PTPRQ: variants seen among roughly 807,000 people sequenced by gnomAD.
PTPRQ encodes phosphatidylinositol phosphatase PTPRQ.
Under a neutral mutation model 246.0 loss-of-function variants are expected in PTPRQ, and 199 were observed. The ratio of observed to expected loss-of-function variants is 0.81; its 90% confidence interval spans 0.72 to 0.91. PTPRQ has a LOEUF of 0.91. PTPRQ is among the 40% of genes least tolerant of loss of function. The probability of loss-of-function intolerance (pLI) is 0.00; values close to 1 mark genes in which losing one functional copy is unlikely to be tolerated. For synonymous variants in PTPRQ, 869 were observed against 853.2 expected, an observed-to-expected ratio of 1.02 and a Z score of -0.32; for missense variants, 2,624 against 2,528.4, an observed-to-expected ratio of 1.04 and a Z score of -0.81.
At chr12:80,551,430 T>TA (rs1896472081) in intron 25 of PTPRQ, among the ~76,000 whole-genome samples, 1 of 152,190 alleles carries the variant, frequency 6.6e-6, no homozygotes, top group South Asian at 2.1e-4. Context: ...AATAACATCT[T>TA]AACTAGCCTT....
At position 80,588,383 on chromosome 12, in the gene PTPRQ, G is replaced by A. The variant is rs1897686889; in HGVS notation, c.4540G>A (p.Val1514Met). Residue 1514 changes from valine (V) to methionine (M), a missense_variant, in exon 26 of 45, where the codon GTG becomes ATG. Val to Met is a conservative substitution (Grantham distance 21). Transcript: ENST00000644991. ...LKKFRWYRFQ[V>M]AASTNAGYGN... ...GAAATTTAGATGGTATAGATTCCAA[G>A]TGGCTGCCAGCACCAATGCTGGCTA... 2.0e-6 allele frequency: 3 copies of A among 1,533,016 alleles called. No individual in the cohort carries two copies. Among genetic ancestry groups the A allele is most frequent in the Admixed American group, 2.1e-5 (1 of 48,770 alleles). The allele number at this position is 1,533,016 out of a possible 1,614,324, so 95.0% of individuals were successfully genotyped here.
intron 35 of PTPRQ, among the ~76,000 whole-genome samples, chr12:80,641,062 A>G (rs1420838506): frequency 1.3e-5 from 2 of 152,164 alleles, no homozygotes; most frequent in African/African-American, 2.4e-5. Context: ...CAAGACAATG[A>G]CATTTCTTGT....
intron 27 of PTPRQ, among the ~76,000 whole-genome samples, chr12:80,609,642 C>T (rs565231271): frequency 1.3e-5 from 2 of 150,672 alleles, no homozygotes; most frequent in East Asian, 3.9e-4. Context: ...TAAAGACACT[C>T]ATTTATGCAC....
At chr12:80,466,637 T>G (rs1236467064) in intron 6 of PTPRQ, among the ~76,000 whole-genome samples, 1 of 151,356 alleles carries the variant, frequency 6.6e-6, no homozygotes, top group African/African-American at 2.4e-5. Flanking sequence ...CAAAACAGAA[T>G]GGTACTGGTA....
At chr12:80,522,991 C>T (rs1426233449) in intron 17 of PTPRQ, among the ~76,000 whole-genome samples, 3 of 152,174 alleles carry the variant, frequency 2.0e-5, no homozygotes, top group Middle Eastern at 3.4e-3. Flanking sequence ...TTTTTCTGGT[C>T]GTGGACTTTT....
chr12:80,608,533 G>A (rs56388320), intron 27 of PTPRQ, among the ~76,000 whole-genome samples: 125 of 129,212 alleles, frequency 9.7e-4, no homozygotes, highest in Non-Finnish European at 1.8e-3. Context: ...TTAATGGAAG[G>A]CATTGGAAGA....
At chr12:80,652,963 T>A in intron 38 of PTPRQ, 129 bp downstream of exon 38, 1 of 1,071,320 alleles carries the variant, frequency 9.3e-7, no homozygotes, top group Non-Finnish European at 1.2e-6. Flanking sequence ...TTATTGGCAG[T>A]GACTACCAAA....
chr12:80,605,003 G>T, intron 26 of PTPRQ, 56 bp from the exon 27 acceptor site: 1 of 1,457,164 alleles, frequency 6.9e-7, no homozygotes. Flanking sequence ...CTATTATTGT[G>T]CTGTAGCAAG....
chr12:80,621,708 A>G (rs1240128859), intron 32 of PTPRQ, among the ~76,000 whole-genome samples: 1 of 151,996 alleles, frequency 6.6e-6, no homozygotes, highest in African/African-American at 2.4e-5. Context: ...TATGCCTTTT[A>G]TTTATAAATT....
chr12:80,519,605 A>G (rs1895409939), intron 17 of PTPRQ, among the ~76,000 whole-genome samples: 1 of 152,184 alleles, frequency 6.6e-6, no homozygotes, highest in Non-Finnish European at 1.5e-5. Context: ...TTAACCTGCT[A>G]CAGGAGGAGC....
chr12:80,473,272 CAT>C (rs1427757312), intron 8 of PTPRQ, among the ~76,000 whole-genome samples: 1 of 152,274 alleles, frequency 6.6e-6, no homozygotes, highest in East Asian at 1.9e-4. Context: ...TGTACATACT[CAT>C]AAGGAAAATG....
intron 26 of PTPRQ, among the ~76,000 whole-genome samples, chr12:80,596,237 A>G (rs931189528): frequency 3.9e-5 from 6 of 152,004 alleles, no homozygotes; most frequent in Admixed American, 3.9e-4. Context: ...ATATAACATT[A>G]AAGTATCTAA....
chr12:80,451,342 T>C (rs1362256320), intron 3 of PTPRQ, among the ~76,000 whole-genome samples: 1 of 119,692 alleles, frequency 8.4e-6, no homozygotes, highest in Non-Finnish European at 1.7e-5. Context: ...CCTGGATTCA[T>C]TAATTTTTTG....
At chr12:80,665,444 A>G (rs920762738) in intron 39 of PTPRQ, among the ~76,000 whole-genome samples, 4 of 152,062 alleles carry the variant, frequency 2.6e-5, no homozygotes, top group African/African-American at 7.2e-5. Context: ...ACTGAATTCT[A>G]AAGTCATATA....
intron 26 of PTPRQ, among the ~76,000 whole-genome samples, chr12:80,597,218 T>A (rs1188260812): frequency 6.6e-6 from 1 of 152,002 alleles, no homozygotes; most frequent in Non-Finnish European, 1.5e-5. Flanking sequence ...AGATATTTTT[T>A]ACCCCAATTA....
chr12:80,572,646 C>T (rs1021067908), intron 25 of PTPRQ, among the ~76,000 whole-genome samples: 7 of 152,048 alleles, frequency 4.6e-5, no homozygotes, highest in African/African-American at 9.7e-5. Flanking sequence ...TGGCTGTAGA[C>T]TTTCTGTAGA....
chr12:80,463,658 C>T lies in PTPRQ; in HGVS notation c.910+2756C>T, dbSNP rs1893287181. Among the ~76,000 whole-genome samples the T allele has an allele frequency of 2.0e-5, 3 of 152,054 alleles. No homozygotes were observed. In the South Asian group the frequency reaches 6.2e-4, roughly 32 times the overall value. ...CACAAAGGGAAGCCCATCAGACTAA[C>T]AGTGGATCTCTCGGCAGAAACCCTA... On this transcript the variant is annotated intron_variant, in intron 6 of 44. Coordinates refer to ENST00000644991, the MANE Select transcript of PTPRQ (RefSeq NM_001145026.2).
intron 9 of PTPRQ, among the ~76,000 whole-genome samples, chr12:80,492,123 A>C (rs985884196): frequency 6.6e-6 from 1 of 151,960 alleles, no homozygotes; most frequent in Non-Finnish European, 1.5e-5. Context: ...TACAGAAAAG[A>C]GTCTAATAAG....
chr12:80,459,993 A>T (rs967082509), intron 5 of PTPRQ, among the ~76,000 whole-genome samples: 1 of 152,286 alleles, frequency 6.6e-6, no homozygotes, highest in Admixed American at 6.5e-5. Context: ...ATTTGTCGTT[A>T]CTCTGGTCAT....
Sources: gnomAD v4.1 joint callset for allele counts (sites outside exome capture counted in the v4.1 genomes callset) on GRCh38, gnomAD v4.1.1 for gene constraint, MANE v1.5 for transcripts, NCBI Gene and HGNC (gene_info 2026-07-23, HGNC 2026-07-21) for gene names.